Variants in MYOCOS observed in about 807,000 individuals in gnomAD.
The protein encoded by MYOCOS is myocilin opposite strand protein.
intron 1 of MYOCOS, among the ~76,000 whole-genome samples, chr1:171,623,581 A>G (rs997166169): frequency 6.6e-6 from 1 of 152,164 alleles, no homozygotes; most frequent in African/African-American, 2.4e-5. Flanking sequence ...TGCCCACTGC[A>G]TGATTGGAAT....
chr1:171,625,084 T>C (rs933470378), intron 2 of MYOCOS, among the ~76,000 whole-genome samples: 1 of 152,196 alleles, frequency 6.6e-6, no homozygotes, highest in Non-Finnish European at 1.5e-5. Flanking sequence ...AGCAAATTGA[T>C]AGGAATTAGG....
chr1:171,613,036 G>A (rs1415828658), intron 1 of MYOCOS, among the ~76,000 whole-genome samples: 3 of 152,126 alleles, frequency 2.0e-5, no homozygotes, highest in Non-Finnish European at 2.9e-5. Flanking sequence ...CTCTGATGGA[G>A]GGTCCATGTT....
In MYOCOS at chr1:171,608,767, G is replaced by A. The variant is rs559561356; in HGVS notation, c.-251-6031G>A. Among the ~76,000 whole-genome samples the A allele has an allele frequency of 2.6e-5, 4 of 152,268 alleles. No individual in the cohort carries two copies. In the South Asian group the frequency reaches 6.2e-4, roughly 24 times the overall value. On this transcript the variant is annotated intron_variant, in intron 1 of 3. Coordinates refer to the MYOCOS transcript ENST00000636697. The stretch of plus-strand genomic sequence containing the variant: ...CTCACATTGTCCAGTTATTGCCCAA[G>A]GATGGGGATGTAGGAAGGGAATGCA...
At chr1:171,624,000 G>T (rs1002967297) in intron 2 of MYOCOS, 22 bp downstream of exon 2, 3 of 398,440 alleles carry the variant, frequency 7.5e-6, no homozygotes, top group Admixed American at 4.4e-5. Flanking sequence ...CTTTCCTCTG[G>T]ATCGCTTGTG....
At chr1:171,625,305 C>G (rs563876474) in intron 2 of MYOCOS, among the ~76,000 whole-genome samples, 1 of 152,314 alleles carries the variant, frequency 6.6e-6, no homozygotes, top group South Asian at 2.1e-4. Context: ...ATCCCACATC[C>G]TCTCAGCAAC....
chr1:171,602,370 T>G (rs946546337), intron 1 of MYOCOS, among the ~76,000 whole-genome samples: 2 of 152,104 alleles, frequency 1.3e-5, no homozygotes, highest in African/African-American at 4.8e-5. Flanking sequence ...GTAAAAAGAT[T>G]ATAAAGGGGC....
chr1:171,615,711 C>A (rs940253428), intron 2 of MYOCOS, among the ~76,000 whole-genome samples: 4 of 152,236 alleles, frequency 2.6e-5, no homozygotes, highest in Non-Finnish European at 4.4e-5. Context: ...CACGTACCGC[C>A]TGCTTGCTCA....
At chr1:171,616,641 C>T (rs181914972) in intron 2 of MYOCOS, among the ~76,000 whole-genome samples, 57 of 152,210 alleles carry the variant, frequency 3.7e-4, no homozygotes, top group Middle Eastern at 3.4e-3. Flanking sequence ...TTGGACATGT[C>T]GAGTTTACAT....
intron 1 of MYOCOS, among the ~76,000 whole-genome samples, chr1:171,604,685 T>C (rs1218590700): frequency 6.6e-6 from 1 of 152,166 alleles, no homozygotes; most frequent in Non-Finnish European, 1.5e-5. Context: ...CAGCATAGGA[T>C]AGGATGCGGT....
At position 171,626,481 on chromosome 1, in the gene MYOCOS, T is replaced by C. The variant is rs1652704870; in HGVS notation, c.123T>C (p.Asp41=). ...AAGAGATAATTACCCAGAAAAGTGA[T>C]GAAGCTAAGGAGATGCTCTCCCACT... The part of the protein sequence containing the change: ...TRKEIITQKS[D]EAKEMLSHLD... Residue 41 remains aspartate, a synonymous_variant, in exon 3 of 3, where the codon GAT becomes GAC. Coordinates refer to ENST00000637642, the MANE Select transcript of MYOCOS (RefSeq NM_001391940.1). The C allele has an allele frequency of 2.5e-6, 1 of 398,556 alleles. No individual in the cohort carries two copies. Among genetic ancestry groups the C allele is most frequent in the Non-Finnish European group, 4.4e-6 (1 of 226,098 alleles). The allele number at this position is 398,556 out of a possible 1,614,324, so 24.7% of individuals were successfully genotyped here.
chr1:171,625,660 C>T (rs1021537276), intron 2 of MYOCOS, among the ~76,000 whole-genome samples: 1 of 152,108 alleles, frequency 6.6e-6, no homozygotes, highest in South Asian at 2.1e-4. Context: ...GGAGGCGAAC[C>T]CCACAGCCTG....
At chr1:171,618,299 A>T (rs1160497548), upstream of MYOCOS, among the ~76,000 whole-genome samples, 1 of 152,192 alleles carries the variant, frequency 6.6e-6, no homozygotes, top group Non-Finnish European at 1.5e-5. Flanking sequence ...TGGACTCATA[A>T]CCCCACCTTA....
intron 1 of MYOCOS, among the ~76,000 whole-genome samples, chr1:171,611,387 TG>T (rs1271552822): frequency 1.3e-5 from 2 of 152,200 alleles, no homozygotes; most frequent in African/African-American, 2.4e-5. Flanking sequence ...AGATTGCTGC[TG>T]GGCCTGCTCA....
At chr1:171,613,263 A>G (rs1652385263) in intron 1 of MYOCOS, among the ~76,000 whole-genome samples, 1 of 152,190 alleles carries the variant, frequency 6.6e-6, no homozygotes, top group South Asian at 2.1e-4. Flanking sequence ...GAAACTGAAC[A>G]AGGGATGGTG....
upstream of MYOCOS, among the ~76,000 whole-genome samples, chr1:171,620,704 TC>T (rs1405775900): frequency 6.6e-6 from 1 of 151,498 alleles, no homozygotes; most frequent in African/African-American, 2.4e-5. Flanking sequence ...GCCTGGAAGC[TC>T]CCCCTCCACT....
At chr1:171,608,935 A>G (rs1450372280) in intron 1 of MYOCOS, among the ~76,000 whole-genome samples, 2 of 152,138 alleles carry the variant, frequency 1.3e-5, no homozygotes, top group African/African-American at 4.8e-5. Flanking sequence ...CCTCCACTAT[A>G]GTTCACCTTT....
intron 1 of MYOCOS, among the ~76,000 whole-genome samples, chr1:171,606,649 A>G (rs1370326129): frequency 6.6e-6 from 1 of 152,238 alleles, no homozygotes; most frequent in Non-Finnish European, 1.5e-5. Context: ...TGCTCAATCA[A>G]TCACGACCCT....
chr1:171,613,915 G>T (rs1383996845), intron 1 of MYOCOS, among the ~76,000 whole-genome samples: 1 of 152,106 alleles, frequency 6.6e-6, no homozygotes, highest in African/African-American at 2.4e-5. Context: ...AGAGGCCTCT[G>T]ACTTTATCAC....
At position 171,608,893 on chromosome 1, in the gene MYOCOS, A is replaced by G. The variant is rs1004349912; in HGVS notation, c.-251-5905A>G. Reference sequence around the variant, plus strand: ...CAGCAGCTGGGGAAATGAGTCCCTGAGTCCAGAAGAGGATCTAGGTGGTGC... The same window carrying G: ...CAGCAGCTGGGGAAATGAGTCCCTGGGTCCAGAAGAGGATCTAGGTGGTGC... On this transcript the variant is annotated intron_variant, in intron 1 of 3. Transcript: ENST00000636697. 9.2e-5 allele frequency among the ~76,000 whole-genome samples: 14 copies of G among 152,284 alleles called. 1 individual carries two copies. The highest frequency in any genetic ancestry group is 7.2e-4 in the Admixed American group (11 of 15,306).
Sources: allele counts gnomAD v4.1 joint callset (sites outside exome capture counted in the v4.1 genomes callset), GRCh38; gene constraint gnomAD v4.1.1; transcripts MANE v1.5; gene names NCBI Gene and HGNC (gene_info 2026-07-23, HGNC 2026-07-21).